DAB2: variants seen among roughly 807,000 people sequenced by gnomAD.
DAB2 encodes disabled homolog 2.
A neutral mutation model predicts 71.6 loss-of-function variants in DAB2; 28 were observed. That is an observed-to-expected ratio of 0.39 (90% CI 0.29 to 0.54). The LOEUF (loss-of-function observed/expected upper bound fraction) is 0.54, where lower values mean the gene tolerates loss of function less well. Among genes scored for constraint, DAB2 ranks in the 20% least tolerant of loss-of-function variants. The pLI is 0.68. For synonymous variants in DAB2, 345 were observed against 339.7 expected (o/e 1.02, Z -0.17); for missense variants, 867 against 928.8 (o/e 0.93, Z 0.86).
chr5:39,408,892 G>A (rs766876645), intron 1 of DAB2: 1 of 152,088 alleles, frequency 6.6e-6, no homozygotes, highest in African/African-American at 2.4e-5. Flanking sequence ...GTTCTTCTAC[G>A]AGTAAGAATA....
At chr5:39,388,227 C>T (rs1561369717) in intron 9 of DAB2, 78 bp downstream of exon 9, 2 of 1,041,754 alleles carry the variant, frequency 1.9e-6, no homozygotes, top group East Asian at 2.4e-5. Context: ...CAATGAGATG[C>T]TTAAGATTTC....
chr5:39,422,079 A>T lies in DAB2; in HGVS notation c.-102+2725T>A, dbSNP rs1458511589. 6.6e-6 allele frequency among the ~76,000 whole-genome samples: 1 copy of T among 152,120 alleles called. No homozygotes were observed. Among genetic ancestry groups the T allele is most frequent in the Admixed American group, 6.5e-5 (1 of 15,274 alleles). On this transcript the variant is annotated intron_variant, in intron 1 of 14. Coordinates refer to ENST00000320816, the MANE Select transcript of DAB2 (RefSeq NM_001343.4). The surrounding 1 kb of genome is among the most constrained non-coding windows in gnomAD (Gnocchi z 4.1). ...AGGGAGACTCTGTCTCAAACAAAACAAAACAAAACAAAACAAAAATCTGTT... is the reference window on the plus strand; with the variant it reads ...AGGGAGACTCTGTCTCAAACAAAACTAAACAAAACAAAACAAAAATCTGTT...
In DAB2 at chr5:39,422,816, T is replaced by C. The variant is rs1418622826; in HGVS notation, c.-102+1988A>G. Among the ~76,000 whole-genome samples the C allele has an allele frequency of 6.6e-6, 1 of 152,190 alleles. No individual in the cohort carries two copies. The highest frequency in any genetic ancestry group is 1.5e-5 in the Non-Finnish European group (1 of 68,038). On this transcript the variant is annotated intron_variant, in intron 1 of 14. Transcript: ENST00000320816. The surrounding 1 kb of genome is among the most constrained non-coding windows in gnomAD (Gnocchi z 4.1). ...AGGCCAGTGAAATCCATTCAACCTTTGGAGAAAGACAACAAACAGGCCTAA... is the reference window on the plus strand; with the variant it reads ...AGGCCAGTGAAATCCATTCAACCTTCGGAGAAAGACAACAAACAGGCCTAA...
intron 1 of DAB2, among the ~76,000 whole-genome samples, chr5:39,395,937 C>CTTTTTTTTTTTTTTTTTTTTTTTTT (rs3024228): frequency 1.3e-5 from 1 of 74,858 alleles, no homozygotes; most frequent in South Asian, 5.5e-4. Context: ...CACAGATATT[C>CTTTTTTTTTTTTTTTTTTTTTTTTT]TTTTTTTTTT....
chr5:39,381,625 A>G lies in DAB2; in HGVS notation c.1342-9T>C, dbSNP rs780942641. The G allele has an allele frequency of 1.2e-6, 2 of 1,613,716 alleles. No homozygotes were observed. Among genetic ancestry groups the G allele is most frequent in the Admixed American group, 3.3e-5 (2 of 59,994 alleles). On this transcript the variant is annotated splice_polypyrimidine_tract_variant and intron_variant, in intron 10 of 14. Transcript: ENST00000320816. ...AAGTCATTGGCTGAAGACTGACAGG[A>G]CAGGGAGGGAGGGAGAAGCCTTAGT...
rs138621143 is a variant in DAB2 at position 39,396,872 on chromosome 5, T to C, written c.-101-2451A>G. ...AAAAGTTGAAAGGTGTGGAAGGGTG[T>C]ATGTGGATGCTGAGTAGCTGGAGGG... On this transcript the variant is annotated intron_variant, in intron 1 of 14. Transcript: ENST00000320816. Among the ~76,000 whole-genome samples, 342 of 152,306 alleles carry C rather than the reference T, an allele frequency of 2.2e-3. 1 individual carries two copies. The highest frequency in any genetic ancestry group is 0.018 in the South Asian group (88 of 4,826).
intron 1 of DAB2, among the ~76,000 whole-genome samples, chr5:39,412,557 GA>G (rs1328624310): frequency 6.6e-6 from 1 of 152,164 alleles, no homozygotes; most frequent in Non-Finnish European, 1.5e-5. Flanking sequence ...TAGACTTTCA[GA>G]AGATGAAAAA....
chr5:39,399,515 C>G (rs192079003), intron 1 of DAB2, among the ~76,000 whole-genome samples: 1 of 152,324 alleles, frequency 6.6e-6, no homozygotes, highest in Non-Finnish European at 1.5e-5. Context: ...GTAAAGGAAA[C>G]TCTGCTATAT....
At chr5:39,407,431 G>A (rs750511610) in intron 1 of DAB2, among the ~76,000 whole-genome samples, 51 of 152,180 alleles carry the variant, frequency 3.4e-4, no homozygotes, top group Non-Finnish European at 5.3e-4. Flanking sequence ...TTTTGGCCAG[G>A]CTGGTCTCAA....
chr5:39,380,799 T>A (rs1031744888), intron 11 of DAB2, among the ~76,000 whole-genome samples: 1 of 152,188 alleles, frequency 6.6e-6, no homozygotes, highest in African/African-American at 2.4e-5. Context: ...CTCTCTTTTT[T>A]CAACTTTGGC....
chr5:39,424,074 A>T (rs184065738), intron 1 of DAB2, among the ~76,000 whole-genome samples: 50 of 152,294 alleles, frequency 3.3e-4, no homozygotes, highest in Middle Eastern at 3.4e-3. Context: ...AGAAACAAAT[A>T]ACAGAGTCAG....
chr5:39,389,903 G>C lies in DAB2; in HGVS notation c.492C>G (p.Asp164Glu), dbSNP rs573228910. The C allele has an allele frequency of 1.3e-6, 2 of 1,596,080 alleles. No homozygotes were observed. The highest frequency in any genetic ancestry group is 1.7e-6 in the Non-Finnish European group (2 of 1,169,766). Residue 164 changes from aspartate to glutamate, a missense_variant, in exon 6 of 15, where the codon GAC becomes GAG. Around this residue, in one of 2 missense-constraint regions of DAB2, gnomAD observed 740 missense variants for 734.3 expected, o/e 1.01. Transcript: ENST00000320816. The part of the protein sequence containing the change: ...QAEPLVVDLK[D>E]LFQVIYNVKK... The stretch of plus-strand genomic sequence containing the variant: ...TTACATTATAGATAACTTGAAAAAG[G>C]TCTTTAAGATCAACAACTAATGGTT...
chr5:39,382,340 G>C (rs1306107686), intron 10 of DAB2, among the ~76,000 whole-genome samples: 1 of 152,170 alleles, frequency 6.6e-6, no homozygotes, highest in Non-Finnish European at 1.5e-5. Flanking sequence ...AGGTATAGAA[G>C]CATAGCAGCA....
chr5:39,391,755 A>G (rs1396533733), intron 4 of DAB2, among the ~76,000 whole-genome samples: 2 of 152,086 alleles, frequency 1.3e-5, no homozygotes, highest in Non-Finnish European at 2.9e-5. Context: ...AATAAGTAAG[A>G]CTGTTCACAA....
chr5:39,403,716 A>ATTT lies in DAB2; in HGVS notation c.-101-9298_-101-9296dup, dbSNP rs60449035. On this transcript the variant is annotated intron_variant, in intron 1 of 14. Coordinates refer to ENST00000320816, the MANE Select transcript of DAB2 (RefSeq NM_001343.4). ...GCCTTTTAGTTTTAGTTTTTTTGGA[A>ATTT]TTTTTTTTTTTTTTTTTGAGCATGA... Among the ~76,000 whole-genome samples, 161 of 135,296 alleles carry ATTT rather than the reference A, an allele frequency of 1.2e-3. 1 individual carries two copies. Among genetic ancestry groups the ATTT allele is most frequent in the Middle Eastern group, 7.8e-3 (2 of 258 alleles). 88.8% of individuals were successfully genotyped at this position (135,296 alleles called of 152,430 possible).
intron 11 of DAB2, among the ~76,000 whole-genome samples, chr5:39,377,603 GT>G (rs1754863822): frequency 6.6e-6 from 1 of 152,162 alleles, no homozygotes; most frequent in Admixed American, 6.5e-5. Flanking sequence ...ACAGACACTA[GT>G]TGTCTGATAC....
rs909603037 is a variant in DAB2, at chr5:39,371,791, C to A, written c.*1640G>T. 26 of 152,156 alleles carry A rather than the reference C, an allele frequency of 1.7e-4. No individual in the cohort carries two copies. The highest frequency in any genetic ancestry group is 3.2e-3 in the Middle Eastern group (1 of 316). The allele number at this position is 152,156 out of a possible 1,614,324, so 9.4% of individuals were successfully genotyped here. On this transcript the variant is annotated 3_prime_UTR_variant, in exon 15 of 15. Coordinates refer to ENST00000320816, the MANE Select transcript of DAB2 (RefSeq NM_001343.4). ...CAGTTGTGTGGCTGATCATGACTTT[C>A]AAAAATTCAACTACCTAGAAATAGT... is the stretch of plus-strand genomic sequence containing the variant.
intron 1 of DAB2, among the ~76,000 whole-genome samples, chr5:39,414,135 G>A (rs954023050): frequency 6.6e-6 from 1 of 152,134 alleles, no homozygotes; most frequent in African/African-American, 2.4e-5. Context: ...GTTGGTCAGT[G>A]GATGGCCTAT....
intron 4 of DAB2, among the ~76,000 whole-genome samples, chr5:39,391,570 G>C (rs1755227713): frequency 6.6e-6 from 1 of 152,122 alleles, no homozygotes; most frequent in Non-Finnish European, 1.5e-5. Context: ...ATAGTAACTG[G>C]AGGTCTCCTC....
Sources: allele counts gnomAD v4.1 joint callset (sites outside exome capture counted in the v4.1 genomes callset), GRCh38; gene constraint gnomAD v4.1.1; regional missense constraint gnomAD v4.1.1; non-coding constraint Gnocchi (gnomAD v3.1); transcripts MANE v1.5; gene names NCBI Gene and HGNC (gene_info 2026-07-23, HGNC 2026-07-21).